Variants in PTGER3 observed in about 807,000 individuals in gnomAD.
PTGER3 encodes prostaglandin E receptor 3.
A neutral mutation model predicts 34.7 loss-of-function variants in PTGER3; 22 were observed. That is an observed-to-expected ratio of 0.63 (90% confidence interval 0.45 to 0.91). The LOEUF is 0.91. PTGER3 is among the 40% of genes least tolerant of loss of function. PTGER3 has a pLI of 0.00. For missense variants in PTGER3, 468 were observed against 519.4 expected (o/e 0.90, Z 0.96); for synonymous variants, 241 against 230.1 (o/e 1.05, Z -0.43).
At chr1:70,967,450 T>G (rs1428153007), downstream of PTGER3, among the ~76,000 whole-genome samples, 2 of 152,146 alleles carry the variant, frequency 1.3e-5, no homozygotes, top group Admixed American at 1.3e-4. Flanking sequence ...AAAATATATC[T>G]TGTACAAATT....
At chr1:70,874,993 C>T (rs542624436) in intron 4 of PTGER3, among the ~76,000 whole-genome samples, 26 of 152,256 alleles carry the variant, frequency 1.7e-4, no homozygotes, top group South Asian at 8.3e-4. Context: ...CATTCCTCTG[C>T]GCATTCTGAC....
intron 1 of PTGER3, among the ~76,000 whole-genome samples, chr1:71,016,043 C>T (rs964569748): frequency 3.9e-5 from 6 of 152,216 alleles, no homozygotes; most frequent in African/African-American, 1.2e-4. Flanking sequence ...AATGATCCTC[C>T]TGCCTCAGCC....
intron 1 of PTGER3, among the ~76,000 whole-genome samples, chr1:71,025,806 G>A (rs10399705): frequency 0.37 from 56,857 of 152,094 alleles, 11,543 homozygotes; most frequent in South Asian, 0.47. Context: ...CAAGAGCCAA[G>A]CAGTAAAATT....
intron 2 of PTGER3, among the ~76,000 whole-genome samples, chr1:70,992,134 T>C (rs1258293012): frequency 6.6e-6 from 1 of 152,168 alleles, no homozygotes; most frequent in Non-Finnish European, 1.5e-5. Context: ...GTCACACAGC[T>C]AGTAAGTAAA....
intron 2 of PTGER3, among the ~76,000 whole-genome samples, chr1:70,995,254 G>A (rs1655828196): frequency 6.6e-6 from 1 of 152,132 alleles, no homozygotes; most frequent in Non-Finnish European, 1.5e-5. Flanking sequence ...ATGTGTTTGG[G>A]GAGAGGATTC....
At chr1:70,976,154 A>G (rs1234859465) in intron 2 of PTGER3, among the ~76,000 whole-genome samples, 1 of 151,830 alleles carries the variant, frequency 6.6e-6, no homozygotes, top group Non-Finnish European at 1.5e-5. Context: ...ACTGCAAGGT[A>G]GTTTGTCAAG....
Position 71,033,706 on chromosome 1 carries a change from T to C in PTGER3, c.897+12975A>G, listed in dbSNP as rs1659591345. 2.0e-5 allele frequency among the ~76,000 whole-genome samples: 3 copies of C among 148,660 alleles called. No individual in the cohort carries two copies. In the South Asian group the frequency reaches 6.3e-4, roughly 31 times the overall value. On this transcript the variant is annotated intron_variant, in intron 1 of 3. Coordinates refer to ENST00000306666, the MANE Select transcript of PTGER3 (RefSeq NM_198719.2). The stretch of plus-strand genomic sequence containing the variant: ...ATTAAAGATGGAAAATGCTGCTGCT[T>C]TTTTTTTTGAGTCAATTTCAAGTTT...
intron 2 of PTGER3, among the ~76,000 whole-genome samples, chr1:70,959,161 C>T (rs184755073): frequency 2.0e-5 from 3 of 152,170 alleles, no homozygotes; most frequent in South Asian, 2.1e-4. Context: ...CTGGGTCTTC[C>T]GTGGTTCCAC....
At chr1:71,020,105 G>A (rs1227000201) in intron 1 of PTGER3, among the ~76,000 whole-genome samples, 1 of 152,158 alleles carries the variant, frequency 6.6e-6, no homozygotes, top group Admixed American at 6.5e-5. Context: ...TGCATGGGAA[G>A]AAGCTTCACT....
chr1:70,863,830 A>G (rs1445417557), intron 4 of PTGER3, among the ~76,000 whole-genome samples: 2 of 152,154 alleles, frequency 1.3e-5, no homozygotes, highest in Admixed American at 6.6e-5. Flanking sequence ...CATGATGGCT[A>G]TGGTGAGTAT....
intron 2 of PTGER3, among the ~76,000 whole-genome samples, chr1:70,979,130 C>A (rs192146242): frequency 1.3e-5 from 2 of 152,198 alleles, no homozygotes; most frequent in African/African-American, 4.8e-5. Context: ...ACTCAGTGAG[C>A]CCCACAAGAG....
chr1:70,975,343 G>A (rs1398671763), intron 2 of PTGER3, among the ~76,000 whole-genome samples: 1 of 150,062 alleles, frequency 6.7e-6, no homozygotes, highest in Non-Finnish European at 1.5e-5. Context: ...TTCATTGGAT[G>A]TCACAGCAGA....
At chr1:70,934,855 A>C (rs1316946612) in intron 4 of PTGER3, among the ~76,000 whole-genome samples, 1 of 152,176 alleles carries the variant, frequency 6.6e-6, no homozygotes, top group Non-Finnish European at 1.5e-5. Flanking sequence ...TTCCACAAAA[A>C]ACAGTTGGCC....
chr1:70,952,800 A>C, exon 4 of PTGER3: 1 of 1,378,496 alleles, frequency 7.3e-7, no homozygotes, highest in Non-Finnish European at 9.4e-7. Context: ...TTCCGAGTCA[A>C]TCAACACATG....
chr1:71,033,116 C>A (rs770063165), intron 1 of PTGER3, among the ~76,000 whole-genome samples: 4 of 152,190 alleles, frequency 2.6e-5, no homozygotes, highest in Non-Finnish European at 5.9e-5. Flanking sequence ...AAGCTTAGAG[C>A]AGTCACTTCC....
In PTGER3 at chr1:70,963,788, G is replaced by C. The variant is rs567006188; in HGVS notation, c.1078-9999C>G. 5.2e-4 allele frequency among the ~76,000 whole-genome samples: 79 copies of C among 152,226 alleles called. 1 individual carries two copies. The highest frequency in any genetic ancestry group is 1.9e-3 in the African/African-American group (78 of 41,528). Reference sequence around the variant, plus strand: ...TCCATTTTCTTGGTGATTCACATTGGGCTCCTGGTTACTTATGCAAATTTC... The same window carrying C: ...TCCATTTTCTTGGTGATTCACATTGCGCTCCTGGTTACTTATGCAAATTTC... On this transcript the variant is annotated intron_variant, in intron 2 of 3. Transcript: ENST00000356595.
intron 4 of PTGER3, among the ~76,000 whole-genome samples, chr1:70,937,769 A>T (rs977053112): frequency 3.3e-5 from 5 of 152,214 alleles, no homozygotes; most frequent in African/African-American, 9.7e-5. Flanking sequence ...AATTAAATAT[A>T]AAACATGAAA....
intron 2 of PTGER3, among the ~76,000 whole-genome samples, chr1:70,976,348 T>C (rs1394353809): frequency 2.0e-5 from 3 of 152,076 alleles, no homozygotes; most frequent in African/African-American, 7.2e-5. Context: ...CTTTGGGTAA[T>C]AATGCGGTGT....
intron 3 of PTGER3, among the ~76,000 whole-genome samples, chr1:70,972,673 CCTATTA>C (rs2100682045): frequency 6.6e-6 from 1 of 151,990 alleles, no homozygotes; most frequent in African/African-American, 2.4e-5. Flanking sequence ...ATTTAGATAA[CCTATTA>C]CATAAATATT....
Sources: allele counts gnomAD v4.1 joint callset (sites outside exome capture counted in the v4.1 genomes callset), GRCh38; gene constraint gnomAD v4.1.1; transcripts MANE v1.5; gene names NCBI Gene and HGNC (gene_info 2026-07-23, HGNC 2026-07-21).